Variants in ATP2B1 observed in about 807,000 individuals in gnomAD.
ATP2B1 encodes ATPase plasma membrane Ca2+ transporting 1, also known as plasma membrane calcium-transporting ATPase 1.
In ATP2B1, 14 loss-of-function variants were observed where a neutral mutation model predicts 124.2. The ratio of observed to expected loss-of-function variants is 0.11; its 90% confidence interval spans 0.07 to 0.18. ATP2B1 has a LOEUF of 0.18. Ranked by LOEUF, ATP2B1 falls within the 10% of genes least tolerant of loss-of-function variation. The pLI, the probability that ATP2B1 is intolerant of heterozygous loss-of-function variation, is 1.00. For missense variants in ATP2B1, 763 were observed against 1,466.1 expected, an observed-to-expected ratio of 0.52 and a Z score of 7.83; for synonymous variants, 449 against 492.4, an observed-to-expected ratio of 0.91 and a Z score of 1.17.
At position 89,665,956 on chromosome 12, in the gene ATP2B1, C is replaced by T. The variant is rs534894174; in HGVS notation, c.-221-9849G>A. On this transcript the variant is annotated intron_variant, in intron 1 of 20. Transcript: ENST00000428670. ...AGCTTTCTGTTTTCTTAATTAAAAA[C>T]TCTAGATTTCAATAAGATTTATTAC... Among the ~76,000 whole-genome samples the T allele has an allele frequency of 5.6e-4, 86 of 152,268 alleles. No individual in the cohort carries two copies. In the South Asian group the frequency reaches 0.015, roughly 26 times the overall value.
intron 1 of ATP2B1, among the ~76,000 whole-genome samples, chr12:89,664,120 T>C (rs2136447939): frequency 6.6e-6 from 1 of 152,226 alleles, no homozygotes; most frequent in African/African-American, 2.4e-5. Flanking sequence ...TCTGGCTCAG[T>C]GAAAGTGTAA....
chr12:89,698,468 G>A (rs867583076), intron 1 of ATP2B1, among the ~76,000 whole-genome samples: 2 of 152,274 alleles, frequency 1.3e-5, no homozygotes, highest in African/African-American at 2.4e-5. Context: ...GGGGCTGCCT[G>A]AGGAAAGGAG....
At chr12:89,609,830 G>T in intron 15 of ATP2B1, 107 bp downstream of exon 15, 1 of 982,490 alleles carries the variant, frequency 1.0e-6, no homozygotes, top group Non-Finnish European at 1.5e-6. Flanking sequence ...AACTAATCTT[G>T]AGGGACAGTG....
chr12:89,707,319 A>G (rs757004293), intron 1 of ATP2B1, among the ~76,000 whole-genome samples: 12 of 152,184 alleles, frequency 7.9e-5, no homozygotes, highest in Non-Finnish European at 1.5e-4. Flanking sequence ...AGTACTTCTT[A>G]TTATAAAATA....
chr12:89,638,203 T>C (rs1200607513), intron 3 of ATP2B1, among the ~76,000 whole-genome samples: 1 of 152,174 alleles, frequency 6.6e-6, no homozygotes, highest in Non-Finnish European at 1.5e-5. Flanking sequence ...CAAGCTCAAA[T>C]ATAATAATAA....
At chr12:89,675,530 T>C (rs573402496) in intron 1 of ATP2B1, among the ~76,000 whole-genome samples, 1 of 152,300 alleles carries the variant, frequency 6.6e-6, no homozygotes, top group African/African-American at 2.4e-5. Flanking sequence ...AAGTATGCGG[T>C]CGAACACAAG....
intron 15 of ATP2B1, among the ~76,000 whole-genome samples, chr12:89,607,870 C>A (rs912591388): frequency 5.9e-5 from 9 of 152,172 alleles, no homozygotes; most frequent in African/African-American, 1.9e-4. Flanking sequence ...GTTGATTCTG[C>A]GGATGCAGAA....
At chr12:89,705,402 TTTTA>T (rs1892333527) in intron 1 of ATP2B1, among the ~76,000 whole-genome samples, 1 of 152,168 alleles carries the variant, frequency 6.6e-6, no homozygotes. Context: ...TCCTCAGTCC[TTTTA>T]TTGTTTTTTG....
At chr12:89,641,058 T>C (rs2136233967) in intron 3 of ATP2B1, among the ~76,000 whole-genome samples, 1 of 152,324 alleles carries the variant, frequency 6.6e-6, no homozygotes, top group Middle Eastern at 3.4e-3. Flanking sequence ...GAATGAAGCT[T>C]TCACAAAAAT....
At chr12:89,641,440 G>C (rs1565858933) in intron 3 of ATP2B1, among the ~76,000 whole-genome samples, 1 of 152,018 alleles carries the variant, frequency 6.6e-6, no homozygotes, top group Non-Finnish European at 1.5e-5. Flanking sequence ...GATATCTTGG[G>C]GATGGGACCC....
At chr12:89,604,470 C>A (rs759335067) in intron 15 of ATP2B1, 124 bp from the exon 16 acceptor site, 16 of 670,364 alleles carry the variant, frequency 2.4e-5, no homozygotes, top group Non-Finnish European at 3.3e-5. Context: ...CTTAAATTTA[C>A]ACTAAAAGAA....
chr12:89,618,282 C>T (rs1034381810), intron 11 of ATP2B1, among the ~76,000 whole-genome samples: 1 of 152,166 alleles, frequency 6.6e-6, no homozygotes, highest in African/African-American at 2.4e-5. Context: ...GGAACACTTG[C>T]TGTATGTTTA....
chr12:89,603,162 G>T lies in ATP2B1; in HGVS notation c.2941C>A (p.Leu981Met). The stretch of plus-strand genomic sequence containing the variant: ...TTTATTTCGTTGAAAAGTTGCATCA[G>T]CACAAAGGTATTAAAAACAATAGTA... ...HYTIVFNTFV[L>M]MQLFNEINAR... The change falls in exon 18 of 21, where the codon CTG becomes ATG. Residue 981 changes from leucine to methionine, a missense_variant. By Grantham distance (15) the Leu-to-Met change is conservative (BLOSUM62 2). Coordinates refer to ENST00000428670, the MANE Select transcript of ATP2B1 (RefSeq NM_001366521.1). This position sits in a 1 kb window ranked among gnomAD's most constrained non-coding sequence, Gnocchi z 4.3. The T allele has an allele frequency of 6.2e-7, 1 of 1,613,814 alleles. No individual in the cohort carries two copies. The highest frequency in any genetic ancestry group is 8.5e-7 in the Non-Finnish European group (1 of 1,179,860).
intron 1 of ATP2B1, among the ~76,000 whole-genome samples, chr12:89,694,895 A>G (rs1406824125): frequency 6.6e-6 from 1 of 151,972 alleles, no homozygotes; most frequent in African/African-American, 2.4e-5. Flanking sequence ...TATCTCTACA[A>G]AAAGTACAAA....
chr12:89,665,770 G>A (rs974668871), intron 1 of ATP2B1, among the ~76,000 whole-genome samples: 3 of 152,086 alleles, frequency 2.0e-5, no homozygotes, highest in Admixed American at 1.3e-4. Flanking sequence ...CTGCTCTGTC[G>A]GCCTACTCAG....
intron 2 of ATP2B1, among the ~76,000 whole-genome samples, chr12:89,648,451 C>G (rs1341548643): frequency 6.6e-6 from 1 of 152,080 alleles, no homozygotes; most frequent in Non-Finnish European, 1.5e-5. Context: ...AGAGTAATGA[C>G]CTAGGGTATC....
intron 8 of ATP2B1, 73 bp downstream of exon 8, chr12:89,626,381 G>A: frequency 4.1e-6 from 6 of 1,461,910 alleles, no homozygotes; most frequent in Non-Finnish European, 5.5e-6. Context: ...AGCCTTAAGT[G>A]TGTCAAAAGA....
intron 1 of ATP2B1, among the ~76,000 whole-genome samples, chr12:89,679,016 G>C (rs1047836794): frequency 6.6e-6 from 1 of 151,818 alleles, no homozygotes; most frequent in African/African-American, 2.4e-5. Context: ...TGTACCTCTT[G>C]GTTTATGCTC....
intron 9 of ATP2B1, among the ~76,000 whole-genome samples, chr12:89,622,741 T>G (rs1043349218): frequency 1.3e-5 from 2 of 152,136 alleles, no homozygotes; most frequent in Non-Finnish European, 2.9e-5. Context: ...TGTGAAACAC[T>G]AACAGAGAAT....
Sources: allele counts gnomAD v4.1 joint callset (sites outside exome capture counted in the v4.1 genomes callset), GRCh38; gene constraint gnomAD v4.1.1; non-coding constraint Gnocchi (gnomAD v3.1); transcripts MANE v1.5; gene names NCBI Gene and HGNC (gene_info 2026-07-23, HGNC 2026-07-21).